The following ACAP2 variants were observed in gnomAD, a reference collection of about 807,000 sequenced individuals.
ACAP2 encodes the protein arf-GAP with coiled-coil, ANK repeat and PH domain-containing protein 2.
In ACAP2, 39 loss-of-function variants were observed where a neutral mutation model predicts 115.8. The observed-to-expected ratio is 0.34, with a 90% CI of 0.26 to 0.44. The LOEUF (loss-of-function observed/expected upper bound fraction) is 0.44, where lower values mean the gene tolerates loss of function less well. Among genes scored for constraint, ACAP2 ranks in the 20% least tolerant of loss-of-function variants. The pLI, the probability that ACAP2 is intolerant of heterozygous loss-of-function variation, is 1.00. For missense variants in ACAP2, 662 were observed against 927.6 expected (o/e 0.71, Z 3.72); for synonymous variants, 289 against 315.8 (o/e 0.92, Z 0.90).
In ACAP2 at chr3:195,348,488, C is replaced by A. The variant is rs1156810584; in HGVS notation, c.286-3171G>T. On this transcript the variant is annotated intron_variant, in intron 4 of 22. Transcript: ENST00000326793. ...AAAAAAATCTATCGGAAAATCTATT[C>A]TCTGAGAAAACGGAAGAACAAAACC... Among the ~76,000 whole-genome samples the A allele has an allele frequency of 2.0e-5, 3 of 152,086 alleles. No homozygotes were observed. In the East Asian group the frequency reaches 5.8e-4, roughly 29 times the overall value.
chr3:195,429,706 T>A (rs909276436), intron 1 of ACAP2, among the ~76,000 whole-genome samples: 44 of 152,190 alleles, frequency 2.9e-4, no homozygotes, highest in African/African-American at 1.0e-3. Flanking sequence ...GAACACGAAT[T>A]AATACTTTTT....
chr3:195,377,342 G>A (rs771964840), intron 4 of ACAP2, among the ~76,000 whole-genome samples: 5 of 151,346 alleles, frequency 3.3e-5, no homozygotes, highest in Admixed American at 6.6e-5. Context: ...ACCGAGTTTC[G>A]CCATGTTGCC....
In ACAP2 at chr3:195,295,483, GT is replaced by G. The variant is rs1344058260; in HGVS notation, c.1672+224del. Reference sequence around the variant, plus strand: ...CCCATCTCCCCTTGCATTTTAAGCAGTTTTATTCCTTAGAATATACACATTA... The same window carrying G: ...CCCATCTCCCCTTGCATTTTAAGCAGTTTATTCCTTAGAATATACACATTA... On this transcript the variant is annotated intron_variant, in intron 17 of 22. Coordinates refer to ENST00000326793, the MANE Select transcript of ACAP2 (RefSeq NM_012287.6). 5.2e-5 allele frequency: 32 copies of G among 610,206 alleles called. 1 individual carries two copies. In the South Asian group the frequency reaches 5.9e-4, roughly 11 times the overall value. 37.8% of individuals were successfully genotyped at this position (610,206 alleles called of 1,614,324 possible). A position where few individuals can be genotyped will look rare whatever the true frequency, so the allele number is the denominator to read the frequency against.
chr3:195,311,829 G>A lies in ACAP2; in HGVS notation c.858-2992C>T, dbSNP rs189718987. On this transcript the variant is annotated intron_variant, in intron 10 of 22. Transcript: ENST00000326793. ...TGGGATTACAGGCATGAGCCACCGC[G>A]CCCTGCCAAGACAGTTTTTAAAATA... Among the ~76,000 whole-genome samples the A allele has an allele frequency of 3.7e-3, 556 of 152,164 alleles. 1 individual carries two copies. Among genetic ancestry groups the A allele is most frequent in the African/African-American group, 0.013 (528 of 41,530 alleles).
intron 4 of ACAP2, among the ~76,000 whole-genome samples, chr3:195,349,143 T>C (rs1428984683): frequency 6.6e-6 from 1 of 152,062 alleles, no homozygotes; most frequent in Admixed American, 6.6e-5. Flanking sequence ...AAAAATCAGT[T>C]GTATTTCTAA....
chr3:195,306,190 T>C (rs754590986), intron 13 of ACAP2, among the ~76,000 whole-genome samples: 1 of 152,176 alleles, frequency 6.6e-6, no homozygotes, highest in South Asian at 2.1e-4. Flanking sequence ...TTAAACACCT[T>C]TCATGATCAT....
intron 16 of ACAP2, 22 bp downstream of exon 16, chr3:195,297,168 G>A (rs77668147): frequency 0.023 from 37,223 of 1,594,636 alleles, 1,250 homozygotes; most frequent in South Asian, 0.097. Flanking sequence ...TAATTAGGGG[G>A]AAAAAACAAC....
chr3:195,313,291 T>G (rs1360759985), intron 10 of ACAP2, among the ~76,000 whole-genome samples: 1 of 152,222 alleles, frequency 6.6e-6, no homozygotes, highest in Admixed American at 6.5e-5. Context: ...ACCTCTACTA[T>G]TATTTTCTGC....
intron 10 of ACAP2, among the ~76,000 whole-genome samples, chr3:195,319,665 T>C (rs1180408246): frequency 6.6e-6 from 1 of 152,220 alleles, no homozygotes; most frequent in Non-Finnish European, 1.5e-5. Flanking sequence ...ATGGGAACAT[T>C]TACCCAATGC....
intron 7 of ACAP2, among the ~76,000 whole-genome samples, chr3:195,333,502 A>G (rs1730309337): frequency 6.6e-6 from 1 of 152,234 alleles, no homozygotes; most frequent in Non-Finnish European, 1.5e-5. Flanking sequence ...TGCCCAGCTC[A>G]CCAAATCTAT....
intron 4 of ACAP2, among the ~76,000 whole-genome samples, chr3:195,361,501 G>A (rs540600106): frequency 2.7e-5 from 4 of 150,844 alleles, no homozygotes; most frequent in East Asian, 1.9e-4. Flanking sequence ...ACAACAAACC[G>A]AAGCCTATGT....
In ACAP2 at chr3:195,429,638, G is replaced by A. The variant is rs537957253; in HGVS notation, c.53+13157C>T. Among the ~76,000 whole-genome samples the A allele has an allele frequency of 1.8e-4, 28 of 152,214 alleles. No individual in the cohort carries two copies. In the East Asian group the frequency reaches 4.6e-3, roughly 25 times the overall value. On this transcript the variant is annotated intron_variant, in intron 1 of 22. Coordinates refer to ENST00000326793, the MANE Select transcript of ACAP2 (RefSeq NM_012287.6). ...GTATCGTGACAGAGGTGTAGGTGAC[G>A]GGTAGTGTACAATTGTGCATTTCAA...
intron 6 of ACAP2, among the ~76,000 whole-genome samples, chr3:195,340,604 A>ATCGCGGCCGGAAAGGCGGCCG (rs1730803275): frequency 6.6e-6 from 1 of 152,214 alleles, no homozygotes; most frequent in Non-Finnish European, 1.5e-5. Flanking sequence ...TGGGAGGAAG[A>ATCGCGGCCGGAAAGGCGGCCG]CCTAAAAGCA....
chr3:195,393,560 C>T (rs1039117908), intron 1 of ACAP2, among the ~76,000 whole-genome samples: 5 of 152,198 alleles, frequency 3.3e-5, no homozygotes, highest in East Asian at 3.8e-4. Flanking sequence ...AACAGAAATA[C>T]TTCTTCCTGA....
intron 13 of ACAP2, 34 bp downstream of exon 13, chr3:195,306,477 T>C: frequency 7.0e-7 from 1 of 1,425,250 alleles, no homozygotes; most frequent in Non-Finnish European, 9.6e-7. Flanking sequence ...ATTTTGGCAA[T>C]ATATTATCTG....
At chr3:195,372,741 G>A (rs1733241131) in intron 4 of ACAP2, among the ~76,000 whole-genome samples, 1 of 152,008 alleles carries the variant, frequency 6.6e-6, no homozygotes, top group African/African-American at 2.4e-5. Flanking sequence ...TTGAGCCCAG[G>A]AGATAGAGGC....
At chr3:195,408,905 T>C (rs1022315409) in intron 1 of ACAP2, among the ~76,000 whole-genome samples, 2 of 152,072 alleles carry the variant, frequency 1.3e-5, no homozygotes, top group African/African-American at 2.4e-5. Flanking sequence ...CTTTTTTTCA[T>C]GATAAAAACA....
intron 13 of ACAP2, among the ~76,000 whole-genome samples, 199 bp from the exon 14 acceptor site, chr3:195,302,373 G>A (rs1728121186): frequency 6.6e-6 from 1 of 152,140 alleles, no homozygotes; most frequent in South Asian, 2.1e-4. Context: ...TTCCAGTGGG[G>A]AGAAACGTGT....
chr3:195,439,257 G>A (rs1351370088), intron 1 of ACAP2, among the ~76,000 whole-genome samples: 4 of 149,460 alleles, frequency 2.7e-5, no homozygotes, highest in African/African-American at 9.9e-5. Context: ...GGAGTGCAGA[G>A]GTGTGAACAT....
Sources: allele counts gnomAD v4.1 joint callset (sites outside exome capture counted in the v4.1 genomes callset), GRCh38; gene constraint gnomAD v4.1.1; transcripts MANE v1.5; gene names NCBI Gene and HGNC (gene_info 2026-07-23, HGNC 2026-07-21).